The following CCDC25 variants were observed in gnomAD, a reference collection of about 807,000 sequenced individuals.
CCDC25 encodes coiled-coil domain-containing protein 25.
In CCDC25, 16 loss-of-function variants were observed where a neutral mutation model predicts 35.3. The ratio of observed to expected loss-of-function variants is 0.45; its 90% confidence interval spans 0.31 to 0.69. The LOEUF (loss-of-function observed/expected upper bound fraction) is 0.69, where lower values mean the gene tolerates loss of function less well. Among genes scored for constraint, CCDC25 ranks in the 30% least tolerant of loss-of-function variants. The pLI is 0.06. For synonymous variants in CCDC25, 79 were observed against 80.3 expected (o/e 0.98, Z 0.09); for missense variants, 179 against 250.7 (o/e 0.71, Z 1.93).
chr8:27,751,139 A>G (rs1005170049), intron 5 of CCDC25, among the ~76,000 whole-genome samples: 8 of 152,234 alleles, frequency 5.3e-5, no homozygotes, highest in African/African-American at 1.9e-4. Flanking sequence ...CTATGAAGAG[A>G]TTAAGAAGAA....
intron 5 of CCDC25, among the ~76,000 whole-genome samples, chr8:27,751,181 C>T (rs545156188): frequency 6.6e-6 from 1 of 152,324 alleles, no homozygotes; most frequent in South Asian, 2.1e-4. Context: ...GCCTCCAAAG[C>T]TCTTTTAACA....
At chr8:27,740,747 T>C (rs749559089) in intron 7 of CCDC25, among the ~76,000 whole-genome samples, 3 of 152,270 alleles carry the variant, frequency 2.0e-5, no homozygotes, top group Non-Finnish European at 4.4e-5. Context: ...TGCTTTCTCC[T>C]ACTTGTTTCA....
chr8:27,742,873 A>G (rs1395789525), intron 7 of CCDC25, among the ~76,000 whole-genome samples: 1 of 152,188 alleles, frequency 6.6e-6, no homozygotes, highest in Non-Finnish European at 1.5e-5. Flanking sequence ...TCTCAAAAAC[A>G]AAACAAAACA....
At chr8:27,747,859 T>C (rs1168576545) in intron 7 of CCDC25, 1 of 559,744 alleles carries the variant, frequency 1.8e-6, no homozygotes, top group Non-Finnish European at 3.1e-6. Context: ...TTTTATTTCA[T>C]CCACTTTCAT....
intron 1 of CCDC25, 63 bp from the exon 2 acceptor site, chr8:27,765,314 G>C (rs1804364228): frequency 7.8e-7 from 1 of 1,288,990 alleles, no homozygotes; most frequent in Admixed American, 3.0e-5. Flanking sequence ...TGTTTCATGT[G>C]AAAAACAAGT....
intron 7 of CCDC25, 70 bp downstream of exon 7, chr8:27,748,007 G>T: frequency 1.4e-6 from 2 of 1,425,848 alleles, no homozygotes; most frequent in Non-Finnish European, 2.0e-6. Flanking sequence ...GTTCTTAATG[G>T]CTAATACATG....
At position 27,737,875 on chromosome 8, in the gene CCDC25, T is replaced by TAC. The variant is rs200945575; in HGVS notation, c.598-1632_598-1631dup. On this transcript the variant is annotated intron_variant, in intron 8 of 8. Coordinates refer to ENST00000356537, the MANE Select transcript of CCDC25 (RefSeq NM_018246.3). This position sits in a 1 kb window ranked among gnomAD's most constrained non-coding sequence, Gnocchi z 4.6. ...GGATAAAGAAACTGTGGTGTGTGTA[T>TAC]ACACACACTCACACACACACACACA... Among the ~76,000 whole-genome samples, 24,697 of 136,008 alleles carry TAC rather than the reference T, an allele frequency of 0.18. 2,314 individuals are homozygous for TAC. The highest frequency in any genetic ancestry group is 0.31 in the East Asian group (1,546 of 4,966). 89.2% of individuals were successfully genotyped at this position (136,008 alleles called of 152,430 possible).
At chr8:27,759,779 C>CA (rs77051762) in intron 3 of CCDC25, among the ~76,000 whole-genome samples, 9,610 of 90,764 alleles carry the variant, frequency 0.11, 1,030 homozygotes, top group East Asian at 0.33. Flanking sequence ...GACTCTGTCT[C>CA]AAAAAAAAAA....
At chr8:27,758,069 AC>A (rs1419079742) in intron 3 of CCDC25, among the ~76,000 whole-genome samples, 1 of 151,856 alleles carries the variant, frequency 6.6e-6, no homozygotes, top group Non-Finnish European at 1.5e-5. Flanking sequence ...AGCCAATTAA[AC>A]CTCTTTTCTT....
At chr8:27,765,863 G>A (rs1471366853) in intron 1 of CCDC25, among the ~76,000 whole-genome samples, 1 of 152,132 alleles carries the variant, frequency 6.6e-6, no homozygotes, top group East Asian at 1.9e-4. Context: ...CTCCACCTCA[G>A]ATCAACTCAA....
At chr8:27,766,420 G>A (rs1248207953) in intron 1 of CCDC25, among the ~76,000 whole-genome samples, 1 of 152,116 alleles carries the variant, frequency 6.6e-6, no homozygotes, top group East Asian at 1.9e-4. Context: ...TTTCTCGGGG[G>A]AGAGAAAACT....
In CCDC25 at chr8:27,765,263, C is replaced by A. The variant is rs1219989438; in HGVS notation, c.29-12G>T. 8 of 1,453,438 alleles carry A rather than the reference C, an allele frequency of 5.5e-6. No individual in the cohort carries two copies. The Admixed American group carries it at 7.0e-5, about 13-fold the overall frequency. The allele number at this position is 1,453,438 out of a possible 1,614,324, so 90.0% of individuals were successfully genotyped here. On this transcript the variant is annotated splice_polypyrimidine_tract_variant and intron_variant, in intron 1 of 8. Coordinates refer to ENST00000356537, the MANE Select transcript of CCDC25 (RefSeq NM_018246.3). The stretch of plus-strand genomic sequence containing the variant: ...GGCAGATGAATTAACTAAGATAAAA[C>A]AAAAATAAAAAACAATTAGTAACTT...
intron 3 of CCDC25, among the ~76,000 whole-genome samples, chr8:27,760,545 T>C (rs1585368779): frequency 6.6e-6 from 1 of 151,934 alleles, no homozygotes; most frequent in South Asian, 2.1e-4. Flanking sequence ...TGGCAGGGAG[T>C]CAATTAGGAA....
rs139480280 is a variant in CCDC25 at position 27,737,073 on chromosome 8, G to C, written c.598-828C>G. On this transcript the variant is annotated intron_variant, in intron 8 of 8. Coordinates refer to ENST00000356537, the MANE Select transcript of CCDC25 (RefSeq NM_018246.3). This position sits in a 1 kb window ranked among gnomAD's most constrained non-coding sequence, Gnocchi z 4.6. ...TAAATGGCCCTTATTAAAGATGGTA[G>C]AGAAATACGATATGGGTAGAAAACA... Among the ~76,000 whole-genome samples, 2,011 of 152,302 alleles carry C rather than the reference G, an allele frequency of 0.013. 42 individuals are homozygous for C. The highest frequency in any genetic ancestry group is 0.045 in the African/African-American group (1,882 of 41,556).
At chr8:27,751,180 G>T (rs1374490247) in intron 5 of CCDC25, among the ~76,000 whole-genome samples, 2 of 152,186 alleles carry the variant, frequency 1.3e-5, no homozygotes, top group Admixed American at 1.3e-4. Flanking sequence ...GGCCTCCAAA[G>T]CTCTTTTAAC....
rs1351902933 is a variant in CCDC25, at chr8:27,735,757, T to A, written c.*459A>T. On this transcript the variant is annotated 3_prime_UTR_variant, in exon 9 of 9. Transcript: ENST00000356537. ...TCTTTTTCAAAACCCATACGCCTAA[T>A]CGAGAAATCAGGGACAGGGAAACAT... 1 of 154,880 alleles carries A rather than the reference T, an allele frequency of 6.5e-6. No homozygotes were observed. The highest frequency in any genetic ancestry group is 1.4e-5 in the Non-Finnish European group (1 of 70,024). 9.6% of individuals were successfully genotyped at this position (154,880 alleles called of 1,614,324 possible). A position where few individuals can be genotyped will look rare whatever the true frequency, so the allele number is the denominator to read the frequency against.
At chr8:27,743,035 A>G (rs1376419271) in intron 7 of CCDC25, among the ~76,000 whole-genome samples, 7 of 152,128 alleles carry the variant, frequency 4.6e-5, no homozygotes, top group African/African-American at 1.7e-4. Context: ...CCCCCTACCA[A>G]ACCAGTTTAG....
intron 1 of CCDC25, among the ~76,000 whole-genome samples, chr8:27,770,080 G>A (rs542214824): frequency 3.3e-5 from 5 of 152,308 alleles, no homozygotes; most frequent in East Asian, 3.9e-4. Context: ...GGAGGTAGAG[G>A]TTGCAGTGAA....
At chr8:27,744,394 A>C (rs1803537816) in intron 7 of CCDC25, among the ~76,000 whole-genome samples, 1 of 152,210 alleles carries the variant, frequency 6.6e-6, no homozygotes, top group Non-Finnish European at 1.5e-5. Context: ...GCTTCCCTGA[A>C]GGACCTCACA....
Sources: gnomAD v4.1 joint callset for allele counts (sites outside exome capture counted in the v4.1 genomes callset) on GRCh38, gnomAD v4.1.1 for gene constraint, Gnocchi (gnomAD v3.1) non-coding constraint, MANE v1.5 for transcripts, NCBI Gene and HGNC (gene_info 2026-07-23, HGNC 2026-07-21) for gene names.